TMEM45A: variants seen among roughly 807,000 people sequenced by gnomAD.
TMEM45A encodes the protein transmembrane protein 45A, also known as DNA polymerase-transactivated protein 4.
In TMEM45A, 25 loss-of-function variants were observed where a neutral mutation model predicts 32.0. The observed-to-expected ratio is 0.78, with a 90% CI of 0.57 to 1.09. TMEM45A has a LOEUF of 1.09. Ranked by LOEUF, TMEM45A falls within the 50% of genes least tolerant of loss-of-function variation. The probability of loss-of-function intolerance (pLI) is 0.00; values close to 1 mark genes in which losing one functional copy is unlikely to be tolerated. For missense variants in TMEM45A, 302 were observed against 325.0 expected, an observed-to-expected ratio of 0.93 and a Z score of 0.54; for synonymous variants, 122 against 114.8, an observed-to-expected ratio of 1.06 and a Z score of -0.40.
At chr3:100,536,139 A>G (rs1013111940) in intron 1 of TMEM45A, among the ~76,000 whole-genome samples, 7 of 152,150 alleles carry the variant, frequency 4.6e-5, no homozygotes, top group South Asian at 2.1e-4. Flanking sequence ...TAAACATCCT[A>G]CAATGCACAG....
chr3:100,542,910 A>G (rs66747627), intron 1 of TMEM45A, among the ~76,000 whole-genome samples: 70,716 of 151,894 alleles, frequency 0.47, 17,007 homozygotes, highest in African/African-American at 0.57. Flanking sequence ...AGGGGACAAG[A>G]GTTGAAAAAC....
chr3:100,576,221 C>T (rs1003794886), intron 5 of TMEM45A, among the ~76,000 whole-genome samples: 8 of 152,112 alleles, frequency 5.3e-5, no homozygotes, highest in African/African-American at 1.9e-4. Context: ...GAGGCCGAGG[C>T]AGGTGGATCA....
At chr3:100,536,268 A>T (rs1460072715) in intron 1 of TMEM45A, among the ~76,000 whole-genome samples, 2 of 152,180 alleles carry the variant, frequency 1.3e-5, no homozygotes, top group African/African-American at 4.8e-5. Context: ...TAATGTGCAT[A>T]TGAGTCACTT....
intron 3 of TMEM45A, among the ~76,000 whole-genome samples, chr3:100,558,066 C>T (rs943016727): frequency 2.0e-5 from 3 of 152,082 alleles, no homozygotes; most frequent in Non-Finnish European, 4.4e-5. Flanking sequence ...ATTCCAACTT[C>T]GTCTTAATCC....
chr3:100,544,226 T>G (rs1052921914), intron 1 of TMEM45A, among the ~76,000 whole-genome samples: 4 of 152,190 alleles, frequency 2.6e-5, no homozygotes, highest in African/African-American at 9.6e-5. Flanking sequence ...TTAGGTGCAC[T>G]GCTCCTATCC....
chr3:100,529,762 A>G (rs979480805), intron 1 of TMEM45A, among the ~76,000 whole-genome samples: 1 of 152,074 alleles, frequency 6.6e-6, no homozygotes, highest in African/African-American at 2.4e-5. Context: ...TTGGGACTAC[A>G]GGCACGTGCC....
At chr3:100,557,095 C>T in intron 3 of TMEM45A, 123 bp downstream of exon 3, 1 of 1,105,366 alleles carries the variant, frequency 9.0e-7, no homozygotes, top group Non-Finnish European at 1.3e-6. Flanking sequence ...ATATCTGGGC[C>T]ATAATGAAAT....
At position 100,575,201 on chromosome 3, in the gene TMEM45A, C is replaced by A. The variant is rs185786462; in HGVS notation, c.735-1724C>A. On this transcript the variant is annotated intron_variant, in intron 5 of 5. Transcript: ENST00000323523. ...TTGTTGATATGGTCACAGCACAATG[C>A]CTTTATAATAATGATGCACAGGAAA... is the stretch of plus-strand genomic sequence containing the variant. 1.7e-4 allele frequency among the ~76,000 whole-genome samples: 26 copies of A among 152,152 alleles called. No homozygotes were observed. In the East Asian group the frequency reaches 5.0e-3, roughly 29 times the overall value.
intron 4 of TMEM45A, among the ~76,000 whole-genome samples, chr3:100,564,365 CTAAT>C (rs1706385639): frequency 6.6e-6 from 1 of 152,014 alleles, no homozygotes; most frequent in Non-Finnish European, 1.5e-5. Flanking sequence ...GAATACAGGC[CTAAT>C]GTTGCCAGAT....
chr3:100,519,972 TC>T (rs1705404648), intron 1 of TMEM45A, among the ~76,000 whole-genome samples: 1 of 152,126 alleles, frequency 6.6e-6, no homozygotes, highest in Non-Finnish European at 1.5e-5. Context: ...TATCCATCCT[TC>T]CCATCCATCC....
At chr3:100,532,682 G>A (rs995373251) in intron 1 of TMEM45A, among the ~76,000 whole-genome samples, 2 of 152,156 alleles carry the variant, frequency 1.3e-5, no homozygotes, top group Non-Finnish European at 1.5e-5. Context: ...AGTTTTTGAG[G>A]CATGGAGATG....
Position 100,568,921 on chromosome 3 carries a change from G to A in TMEM45A, c.688G>A (p.Ala230Thr), listed in dbSNP as rs763638617. 3.7e-6 allele frequency: 6 copies of A among 1,613,738 alleles called. No individual in the cohort carries two copies. The highest frequency in any genetic ancestry group is 5.1e-6 in the Non-Finnish European group (6 of 1,179,812). Residue 230 changes from alanine (A) to threonine (T), a missense_variant, in exon 5 of 6, where the codon GCA becomes ACA. Ala to Thr is a moderately conservative substitution (Grantham distance 58). Transcript: ENST00000323523. Reference sequence around the variant, plus strand: ...CACCATATGCTTTTGTTGGCATTATGCAGTAACCATTGTCATCGTTGGAAT... The same window carrying A: ...CACCATATGCTTTTGTTGGCATTATACAGTAACCATTGTCATCGTTGGAAT... ...FLTICFCWHY[A>T]VTIVIVGMNY...
At chr3:100,505,019 A>G (rs1271315216) in intron 1 of TMEM45A, among the ~76,000 whole-genome samples, 1 of 152,184 alleles carries the variant, frequency 6.6e-6, no homozygotes. Context: ...TGGAGGGGTC[A>G]TTCCAAATGT....
chr3:100,574,548 C>T (rs1417302207), intron 5 of TMEM45A: 2 of 152,310 alleles, frequency 1.3e-5, no homozygotes, highest in African/African-American at 4.8e-5. Flanking sequence ...CAGATGGATT[C>T]ACAGCCGAAT....
intron 1 of TMEM45A, among the ~76,000 whole-genome samples, chr3:100,502,188 C>T (rs530785077): frequency 2.6e-5 from 4 of 151,234 alleles, no homozygotes; most frequent in Admixed American, 1.3e-4. Flanking sequence ...CCAGATCTGA[C>T]TTTGATATGT....
chr3:100,532,033 A>G (rs1365081021), intron 1 of TMEM45A, among the ~76,000 whole-genome samples: 4 of 152,170 alleles, frequency 2.6e-5, no homozygotes, highest in Admixed American at 6.5e-5. Context: ...GAAGATCTTC[A>G]CATTACTCAA....
At chr3:100,550,744 A>G (rs1706080739) in intron 1 of TMEM45A, among the ~76,000 whole-genome samples, 3 of 152,134 alleles carry the variant, frequency 2.0e-5, no homozygotes, top group African/African-American at 4.8e-5. Flanking sequence ...TCTGCCCAAT[A>G]TTATCTCTTA....
Position 100,568,881 on chromosome 3 carries a change from A to T in TMEM45A, c.648A>T (p.Glu216Asp), listed in dbSNP as rs1706498590. 6.2e-7 allele frequency: 1 copy of T among 1,613,840 alleles called. No homozygotes were observed. Among genetic ancestry groups the T allele is most frequent in the Non-Finnish European group, 8.5e-7 (1 of 1,179,862 alleles). Residue 216 changes from glutamate to aspartate, a missense_variant, in exon 5 of 6, where the codon GAA becomes GAT. Coordinates refer to ENST00000323523, the MANE Select transcript of TMEM45A (RefSeq NM_018004.3). ...GGPAWDLMDHENILFLTICFC... is the reference protein window; with the variant it reads ...GGPAWDLMDHDNILFLTICFC... ...CTGCATGGGATCTGATGGATCATGA[A>T]AATATTTTGTTTCTCACCATATGCT... is the stretch of plus-strand genomic sequence containing the variant.
intron 1 of TMEM45A, among the ~76,000 whole-genome samples, chr3:100,506,765 A>G (rs1386633969): frequency 1.3e-5 from 2 of 152,172 alleles, no homozygotes; most frequent in Non-Finnish European, 2.9e-5. Flanking sequence ...GGTAATGGTG[A>G]TGGTTGGGTG....
Sources: gnomAD v4.1 joint callset for allele counts (sites outside exome capture counted in the v4.1 genomes callset) on GRCh38, gnomAD v4.1.1 for gene constraint, MANE v1.5 for transcripts, NCBI Gene and HGNC (gene_info 2026-07-23, HGNC 2026-07-21) for gene names.